Variants in VEPH1 observed in about 807,000 individuals in gnomAD.
VEPH1 encodes ventricular zone expressed PH domain containing 1.
A neutral mutation model predicts 85.2 loss-of-function variants in VEPH1; 80 were observed. The ratio of observed to expected loss-of-function variants is 0.94; its 90% CI spans 0.78 to 1.13. The LOEUF is 1.13. VEPH1 is among the 50% of genes most tolerant of loss of function. The pLI is 0.00. For synonymous variants in VEPH1, 297 were observed against 348.0 expected, an observed-to-expected ratio of 0.85 and a Z score of 1.63; for missense variants, 955 against 980.5, an observed-to-expected ratio of 0.97 and a Z score of 0.35.
chr3:157,335,204 C>A (rs1722849474), intron 9 of VEPH1, among the ~76,000 whole-genome samples: 1 of 151,108 alleles, frequency 6.6e-6, no homozygotes, highest in African/African-American at 2.4e-5. Flanking sequence ...ATACAGTAGA[C>A]CACTGGGCAA....
chr3:157,421,225 C>A lies in VEPH1; in HGVS notation c.696+7097G>T, dbSNP rs115955514. Among the ~76,000 whole-genome samples the A allele has an allele frequency of 7.4e-3, 1,126 of 152,210 alleles. 10 individuals are homozygous for A. The highest frequency in any genetic ancestry group is 0.013 in the Non-Finnish European group (871 of 68,010). On this transcript the variant is annotated intron_variant, in intron 5 of 13. Coordinates refer to ENST00000362010, the MANE Select transcript of VEPH1 (RefSeq NM_001167912.2). Reference sequence around the variant, plus strand: ...GATGCTACCTTCACAGTCTCATGGACTAGTCAGCTTTATGTAGAGAATTTT... The same window carrying A: ...GATGCTACCTTCACAGTCTCATGGAATAGTCAGCTTTATGTAGAGAATTTT...
Position 157,485,143 on chromosome 3 carries a change from C to T in VEPH1, c.138+10069G>A, listed in dbSNP as rs987940871. On this transcript the variant is annotated intron_variant, in intron 2 of 13. Transcript: ENST00000362010. ...AATATAAAACTTATATACCATGATG[C>T]TATTCTGCATGCCTTTCTGCATACA... Among the ~76,000 whole-genome samples, 4 of 152,156 alleles carry T rather than the reference C, an allele frequency of 2.6e-5. No homozygotes were observed. The East Asian group carries it at 5.8e-4, about 22-fold the overall frequency.
chr3:157,477,680 A>T (rs1737614737), intron 2 of VEPH1, among the ~76,000 whole-genome samples: 1 of 152,170 alleles, frequency 6.6e-6, no homozygotes, highest in South Asian at 2.1e-4. Context: ...TATCTAAATG[A>T]CATCAAGCCT....
Position 157,398,471 on chromosome 3 carries a change from T to A in VEPH1, c.906+15410A>T, listed in dbSNP as rs191851247. The stretch of plus-strand genomic sequence containing the variant: ...CAATATGGTGAAACACCATCTCTAC[T>A]AAAAATACAAAAATTAGCTGGGCAT... On this transcript the variant is annotated intron_variant, in intron 6 of 13. Transcript: ENST00000362010. Among the ~76,000 whole-genome samples, 137 of 152,048 alleles carry A rather than the reference T, an allele frequency of 9.0e-4. 1 individual carries two copies. The highest frequency in any genetic ancestry group is 3.1e-3 in the African/African-American group (128 of 41,470).
chr3:157,393,770 A>G (rs907012787), intron 6 of VEPH1, among the ~76,000 whole-genome samples: 19 of 152,154 alleles, frequency 1.2e-4, no homozygotes, highest in African/African-American at 4.3e-4. Context: ...AACCAATATC[A>G]GGTTTTAAAA....
intron 6 of VEPH1, among the ~76,000 whole-genome samples, chr3:157,408,533 T>A (rs1389665200): frequency 1.3e-5 from 2 of 152,288 alleles, no homozygotes; most frequent in East Asian, 3.9e-4. Flanking sequence ...ATGGATTTGA[T>A]AATATTTATT....
chr3:157,462,145 C>T (rs922957037), intron 3 of VEPH1, among the ~76,000 whole-genome samples: 1 of 149,774 alleles, frequency 6.7e-6, no homozygotes, highest in African/African-American at 2.4e-5. Context: ...TGCAATCAAA[C>T]AGAAAAGTAG....
intron 5 of VEPH1, among the ~76,000 whole-genome samples, chr3:157,420,505 AT>A (rs1261092520): frequency 6.6e-6 from 1 of 152,210 alleles, no homozygotes; most frequent in African/African-American, 2.4e-5. Context: ...AATGACTGCC[AT>A]TTTTATTTAC....
intron 2 of VEPH1, chr3:157,493,162 G>C (rs1475980439): frequency 2.3e-6 from 1 of 433,422 alleles, no homozygotes; most frequent in African/African-American, 2.1e-5. Context: ...AAATTGAGAA[G>C]CAGGTAAAAA....
At chr3:157,365,868 G>A (rs1726620411) in intron 7 of VEPH1, among the ~76,000 whole-genome samples, 1 of 152,030 alleles carries the variant, frequency 6.6e-6, no homozygotes, top group African/African-American at 2.4e-5. Context: ...GAATTTTAGG[G>A]GTTATTATGA....
intron 6 of VEPH1, among the ~76,000 whole-genome samples, chr3:157,398,258 T>G (rs1730563539): frequency 6.6e-6 from 1 of 152,200 alleles, no homozygotes. Flanking sequence ...TGATAGCCAG[T>G]TCAGGTCACA....
chr3:157,484,237 C>CT (rs1738411664), intron 2 of VEPH1, among the ~76,000 whole-genome samples: 1 of 152,092 alleles, frequency 6.6e-6, no homozygotes, highest in Non-Finnish European at 1.5e-5. Context: ...AAAATAAGGA[C>CT]TTTTTTAGAA....
chr3:157,264,804 G>T (rs200035758), intron 13 of VEPH1, among the ~76,000 whole-genome samples: 1 of 152,168 alleles, frequency 6.6e-6, no homozygotes, highest in South Asian at 2.1e-4. Flanking sequence ...TAGCCAAGAA[G>T]TAGGTCAAGA....
At chr3:157,392,056 T>A (rs1729911048) in intron 6 of VEPH1, among the ~76,000 whole-genome samples, 1 of 152,162 alleles carries the variant, frequency 6.6e-6, no homozygotes, top group Non-Finnish European at 1.5e-5. Context: ...TAACACTAGA[T>A]CAGCCTTAGA....
chr3:157,310,709 G>A (rs1298546017), intron 11 of VEPH1, among the ~76,000 whole-genome samples: 1 of 152,146 alleles, frequency 6.6e-6, no homozygotes, highest in Non-Finnish European at 1.5e-5. Context: ...TCATCTTCTG[G>A]CAACTCAATT....
chr3:157,478,209 C>T (rs947827975), intron 2 of VEPH1, among the ~76,000 whole-genome samples: 2 of 152,124 alleles, frequency 1.3e-5, no homozygotes, highest in African/African-American at 2.4e-5. Context: ...GGTCCCTTGT[C>T]GTAGGATGAC....
At chr3:157,330,796 A>G (rs78623132) in intron 9 of VEPH1, among the ~76,000 whole-genome samples, 1,568 of 152,266 alleles carry the variant, frequency 0.01, 14 homozygotes, top group Middle Eastern at 0.017. Context: ...ATCCAGAACC[A>G]AGGGAGGCAG....
chr3:157,322,751 G>A (rs1261927052), intron 9 of VEPH1, among the ~76,000 whole-genome samples: 1 of 152,072 alleles, frequency 6.6e-6, no homozygotes, highest in Non-Finnish European at 1.5e-5. Flanking sequence ...AACCCTTGAA[G>A]CAATTTCCTT....
intron 9 of VEPH1, among the ~76,000 whole-genome samples, chr3:157,328,365 G>A (rs1181227027): frequency 5.9e-5 from 9 of 152,164 alleles, no homozygotes; most frequent in African/African-American, 1.4e-4. Context: ...AGGTGGAAAT[G>A]TTTGAATGTT....
Sources: allele counts gnomAD v4.1 joint callset (sites outside exome capture counted in the v4.1 genomes callset), GRCh38; gene constraint gnomAD v4.1.1; transcripts MANE v1.5; gene names NCBI Gene and HGNC (gene_info 2026-07-23, HGNC 2026-07-21).